The following HS3ST4 variants were observed in gnomAD, a reference collection of about 807,000 sequenced individuals.
HS3ST4 encodes the protein heparan sulfate glucosamine 3-O-sulfotransferase 4.
Under a neutral mutation model 29.2 loss-of-function variants are expected in HS3ST4, and 17 were observed. The ratio of observed to expected loss-of-function variants is 0.58; its 90% confidence interval spans 0.40 to 0.87. The LOEUF (loss-of-function observed/expected upper bound fraction) is 0.87, where lower values mean the gene tolerates loss of function less well. HS3ST4 is among the 40% of genes least tolerant of loss of function. The pLI is 0.00. For missense variants in HS3ST4, 627 were observed against 634.5 expected, an observed-to-expected ratio of 0.99 and a Z score of 0.13; for synonymous variants, 314 against 285.7, an observed-to-expected ratio of 1.10 and a Z score of -1.00.
At chr16:25,759,948 G>C (rs1455157968) in intron 1 of HS3ST4, among the ~76,000 whole-genome samples, 3 of 152,060 alleles carry the variant, frequency 2.0e-5, no homozygotes, top group Non-Finnish European at 2.9e-5. Flanking sequence ...TGGTGAGTAT[G>C]AAGGAGTAAA....
chr16:26,100,250 C>T (rs941280605), intron 1 of HS3ST4, among the ~76,000 whole-genome samples: 11 of 152,214 alleles, frequency 7.2e-5, no homozygotes, highest in African/African-American at 1.7e-4. Flanking sequence ...ACACAATATT[C>T]TCCTATAACA....
chr16:25,983,458 G>T (rs1016288536), intron 1 of HS3ST4, among the ~76,000 whole-genome samples: 3 of 152,168 alleles, frequency 2.0e-5, no homozygotes, highest in Non-Finnish European at 4.4e-5. Flanking sequence ...CATGTTCCCT[G>T]TGCCTGGGAT....
chr16:25,816,099 C>T (rs1378506465), intron 1 of HS3ST4, among the ~76,000 whole-genome samples: 1 of 152,068 alleles, frequency 6.6e-6, no homozygotes, highest in Non-Finnish European at 1.5e-5. Context: ...CATATATATT[C>T]TATGTGAAGT....
In HS3ST4 at chr16:25,813,399, C is replaced by T. The variant is rs189041494; in HGVS notation, c.734+120248C>T. 6.8e-4 allele frequency among the ~76,000 whole-genome samples: 103 copies of T among 151,846 alleles called. 1 individual carries two copies. Among genetic ancestry groups the T allele is most frequent in the African/African-American group, 2.1e-3 (85 of 41,426 alleles). On this transcript the variant is annotated intron_variant, in intron 1 of 1. Transcript: ENST00000331351. ...CAGCACTTTGGGAGGCTGAGGCGGGCGGATCACTTGAGGCATGGAGAAACC... is the reference window on the plus strand; with the variant it reads ...CAGCACTTTGGGAGGCTGAGGCGGGTGGATCACTTGAGGCATGGAGAAACC...
At chr16:25,804,774 C>T (rs1216535069) in intron 1 of HS3ST4, among the ~76,000 whole-genome samples, 1 of 152,084 alleles carries the variant, frequency 6.6e-6, no homozygotes, top group African/African-American at 2.4e-5. Flanking sequence ...TCCTGTCCTC[C>T]CTTAGGCCAT....
rs561599660 is a variant in HS3ST4 at position 25,928,032 on chromosome 16, C to T, written c.735-207580C>T. Among the ~76,000 whole-genome samples the T allele has an allele frequency of 2.0e-4, 15 of 75,582 alleles. No individual in the cohort carries two copies. The East Asian group carries it at 2.2e-3, about 11-fold the overall frequency. 49.6% of individuals were successfully genotyped at this position (75,582 alleles called of 152,430 possible). On this transcript the variant is annotated intron_variant, in intron 1 of 1. Coordinates refer to ENST00000331351, the MANE Select transcript of HS3ST4 (RefSeq NM_006040.3). ...TGGATAATGTGGAGATACCCCATCTCGACAAAAAAAAAAAAAAAAAAAAAA... is the reference window on the plus strand; with the variant it reads ...TGGATAATGTGGAGATACCCCATCTTGACAAAAAAAAAAAAAAAAAAAAAA...
In HS3ST4 at chr16:25,805,851, C is replaced by T. The variant is rs28679290; in HGVS notation, c.734+112700C>T. Among the ~76,000 whole-genome samples, 371 of 152,188 alleles carry T rather than the reference C, an allele frequency of 2.4e-3. 3 individuals are homozygous for T. Among genetic ancestry groups the T allele is most frequent in the African/African-American group, 8.2e-3 (342 of 41,530 alleles). ...AGCTATTTTTCCTAATGCTCCCTCC[C>T]CTCAGGACCCCACTCCCCGACGGGC... is the stretch of plus-strand genomic sequence containing the variant. On this transcript the variant is annotated intron_variant, in intron 1 of 1. Coordinates refer to ENST00000331351, the MANE Select transcript of HS3ST4 (RefSeq NM_006040.3).
intron 1 of HS3ST4, among the ~76,000 whole-genome samples, chr16:26,018,505 A>G (rs1460101590): frequency 2.6e-5 from 4 of 152,234 alleles, no homozygotes; most frequent in South Asian, 4.1e-4. Context: ...GTGATGAACC[A>G]AAGAGACATC....
chr16:25,988,835 C>G (rs1228398977), intron 1 of HS3ST4, among the ~76,000 whole-genome samples: 2 of 151,664 alleles, frequency 1.3e-5, no homozygotes, highest in African/African-American at 4.8e-5. Context: ...AGGTAACAAA[C>G]CTGCACATGT....
intron 1 of HS3ST4, among the ~76,000 whole-genome samples, chr16:25,848,349 A>T (rs1967486191): frequency 6.6e-6 from 1 of 152,150 alleles, no homozygotes. Context: ...CATGTTGGCC[A>T]GGCTGGTCTC....
chr16:25,823,922 G>C (rs1967189599), intron 1 of HS3ST4, among the ~76,000 whole-genome samples: 1 of 152,150 alleles, frequency 6.6e-6, no homozygotes, highest in Non-Finnish European at 1.5e-5. Flanking sequence ...ACTTAAATCA[G>C]AAAGTAATAA....
intron 1 of HS3ST4, among the ~76,000 whole-genome samples, chr16:26,101,123 G>T (rs144367592): frequency 6.6e-6 from 1 of 152,214 alleles, no homozygotes; most frequent in East Asian, 1.9e-4. Flanking sequence ...TCACTTTTCT[G>T]CAGAACCTCT....
At chr16:25,860,832 A>T (rs28498018) in intron 1 of HS3ST4, among the ~76,000 whole-genome samples, 8 of 152,304 alleles carry the variant, frequency 5.3e-5, no homozygotes, top group Admixed American at 5.2e-4. Context: ...TAGGACATAC[A>T]ACACCAAGAA....
intron 1 of HS3ST4, among the ~76,000 whole-genome samples, chr16:25,820,589 T>A (rs1406500238): frequency 1.3e-5 from 2 of 151,836 alleles, no homozygotes; most frequent in East Asian, 3.9e-4. Context: ...TTGTTGTTGT[T>A]GTTGTTTATT....
At chr16:25,830,271 C>G (rs1967280328) in intron 1 of HS3ST4, among the ~76,000 whole-genome samples, 1 of 152,214 alleles carries the variant, frequency 6.6e-6, no homozygotes, top group Non-Finnish European at 1.5e-5. Context: ...AAGATCAGTG[C>G]ACGTTTCACG....
chr16:25,941,537 T>C (rs921478360), intron 1 of HS3ST4, among the ~76,000 whole-genome samples: 1 of 152,036 alleles, frequency 6.6e-6, no homozygotes, highest in Non-Finnish European at 1.5e-5. Flanking sequence ...TTTTTGTTTT[T>C]TTGTTTGTTT....
chr16:25,851,910 C>A (rs576667902), intron 1 of HS3ST4, among the ~76,000 whole-genome samples: 2 of 152,290 alleles, frequency 1.3e-5, no homozygotes, highest in Admixed American at 1.3e-4. Context: ...GCTATGATAA[C>A]AATGGCAGGT....
intron 1 of HS3ST4, among the ~76,000 whole-genome samples, chr16:25,992,232 T>C (rs897702758): frequency 2.0e-5 from 3 of 152,206 alleles, no homozygotes; most frequent in African/African-American, 7.2e-5. Flanking sequence ...GTGAGATCAA[T>C]GTTAGGACAA....
intron 1 of HS3ST4, among the ~76,000 whole-genome samples, chr16:25,856,371 G>C (rs535076423): frequency 6.6e-6 from 1 of 152,216 alleles, no homozygotes; most frequent in South Asian, 2.1e-4. Context: ...GGGGAAAGGG[G>C]CTGGGAGACT....
Sources: allele counts gnomAD v4.1 joint callset (sites outside exome capture counted in the v4.1 genomes callset), GRCh38; gene constraint gnomAD v4.1.1; transcripts MANE v1.5; gene names NCBI Gene and HGNC (gene_info 2026-07-23, HGNC 2026-07-21).